PRDM16: variants seen among roughly 807,000 people sequenced by gnomAD.
The protein encoded by PRDM16 is histone-lysine N-methyltransferase PRDM16.
Under a neutral mutation model 110.6 loss-of-function variants are expected in PRDM16, and 23 were observed. The ratio of observed to expected loss-of-function variants is 0.21; its 90% CI spans 0.15 to 0.29. PRDM16 has a LOEUF of 0.29. Ranked by LOEUF, PRDM16 falls within the 10% of genes least tolerant of loss-of-function variation. The probability of loss-of-function intolerance (pLI) is 1.00; values close to 1 mark genes in which losing one functional copy is unlikely to be tolerated. For missense variants in PRDM16, 1,615 were observed against 1,794.3 expected, an observed-to-expected ratio of 0.90 and a Z score of 1.81; for synonymous variants, 799 against 781.8, an observed-to-expected ratio of 1.02 and a Z score of -0.37.
rs564644498 is a variant in PRDM16, at chr1:3,268,172, G to C, written c.438+24035G>C. ...CCCACTGGTCTCAGGAGAAGGGCCC[G>C]ACGCTCCTGCTGCGGTTGCAGTCGC... On this transcript the variant is annotated intron_variant, in intron 3 of 16. Transcript: ENST00000270722. 4.6e-5 allele frequency among the ~76,000 whole-genome samples: 7 copies of C among 152,310 alleles called. No individual in the cohort carries two copies. In the East Asian group the frequency reaches 1.4e-3, roughly 29 times the overall value.
At chr1:3,140,663 G>A (rs1015960201) in intron 1 of PRDM16, among the ~76,000 whole-genome samples, 8 of 152,304 alleles carry the variant, frequency 5.3e-5, no homozygotes, top group Admixed American at 6.5e-5. Flanking sequence ...GGACAGCGTC[G>A]CCACCAGGCA....
rs1638825503 is a variant in PRDM16, at chr1:3,209,333, A to G, written c.387+22859A>G. The stretch of plus-strand genomic sequence containing the variant: ...GCAGGGACAGCACTGCACGTTTGAC[A>G]TCGGGGCACGCAGCTCCGACGTGGC... On this transcript the variant is annotated intron_variant, in intron 2 of 16. Coordinates refer to ENST00000270722, the MANE Select transcript of PRDM16 (RefSeq NM_022114.4). The surrounding 1 kb of genome is among the most constrained non-coding windows in gnomAD (Gnocchi z 4.6). 6.6e-6 allele frequency among the ~76,000 whole-genome samples: 1 copy of G among 152,204 alleles called. No individual in the cohort carries two copies. The highest frequency in any genetic ancestry group is 2.1e-4 in the South Asian group (1 of 4,832).
chr1:3,124,083 G>A (rs767799347), intron 1 of PRDM16, among the ~76,000 whole-genome samples: 4 of 152,156 alleles, frequency 2.6e-5, no homozygotes, highest in Non-Finnish European at 2.9e-5. Flanking sequence ...GCCCCCACCC[G>A]TGAGAACCCC....
intron 1 of PRDM16, among the ~76,000 whole-genome samples, chr1:3,164,782 G>T (rs184627414): frequency 1.3e-5 from 2 of 152,226 alleles, no homozygotes; most frequent in Admixed American, 6.5e-5. Context: ...CTGTGTTTGC[G>T]GGGGGAGGCT....
At chr1:3,096,419 G>C (rs1398567173) in intron 1 of PRDM16, among the ~76,000 whole-genome samples, 1 of 152,192 alleles carries the variant, frequency 6.6e-6, no homozygotes, top group Non-Finnish European at 1.5e-5. Context: ...CGGAGCCATA[G>C]GGGAAGGAAT....
intron 1 of PRDM16, among the ~76,000 whole-genome samples, chr1:3,121,149 G>A (rs569858281): frequency 2.3e-4 from 35 of 152,278 alleles, no homozygotes; most frequent in African/African-American, 7.5e-4. Context: ...CAGCTTGCCC[G>A]TCACGGAGCC....
At chr1:3,070,159 C>G (rs1387805153) in intron 1 of PRDM16, among the ~76,000 whole-genome samples, 1 of 151,910 alleles carries the variant, frequency 6.6e-6, no homozygotes, top group Non-Finnish European at 1.5e-5. Context: ...CTGGCACAGC[C>G]GGGCCCGGCG....
intron 3 of PRDM16, among the ~76,000 whole-genome samples, chr1:3,263,410 G>A (rs1313890609): frequency 6.6e-6 from 1 of 152,246 alleles, no homozygotes; most frequent in Non-Finnish European, 1.5e-5. Flanking sequence ...CTCTAGATGA[G>A]ACCACCTGTT....
At chr1:3,340,126 C>CTATT (rs1269583578) in intron 3 of PRDM16, among the ~76,000 whole-genome samples, 5 of 152,184 alleles carry the variant, frequency 3.3e-5, no homozygotes, top group African/African-American at 4.8e-5. Flanking sequence ...AAGTGTGACC[C>CTATT]TATTTCCTTT....
intron 3 of PRDM16, among the ~76,000 whole-genome samples, chr1:3,270,466 G>GA (rs1640420609): frequency 1.4e-4 from 21 of 151,090 alleles, no homozygotes; most frequent in Admixed American, 1.2e-3. Context: ...GACAGTCGGC[G>GA]AGGAGGACAG....
At chr1:3,071,590 T>C (rs575379665) in intron 1 of PRDM16, among the ~76,000 whole-genome samples, 7 of 152,360 alleles carry the variant, frequency 4.6e-5, no homozygotes, top group African/African-American at 1.4e-4. Flanking sequence ...CAGGATCCGC[T>C]GAAGAATTTC....
At position 3,187,655 on chromosome 1, in the gene PRDM16, C is replaced by A. The variant is rs561711101; in HGVS notation, c.387+1181C>A. ...GGCCTGGGGACCAGAGGCTGCCCCGCACGCTGCAGAGCTGAGTGCATCCTC... is the reference window on the plus strand; with the variant it reads ...GGCCTGGGGACCAGAGGCTGCCCCGAACGCTGCAGAGCTGAGTGCATCCTC... On this transcript the variant is annotated intron_variant, in intron 2 of 16. Coordinates refer to ENST00000270722, the MANE Select transcript of PRDM16 (RefSeq NM_022114.4). Among the ~76,000 whole-genome samples, 4 of 152,290 alleles carry A rather than the reference C, an allele frequency of 2.6e-5. 1 individual carries two copies. The highest frequency in any genetic ancestry group is 2.6e-4 in the Admixed American group (4 of 15,306).
chr1:3,118,385 G>A lies in PRDM16; in HGVS notation c.37+49089G>A, dbSNP rs115014388. ...CACCCCCACCTGGCCCCTCGGAAGC[G>A]TGACAGCCATGGAGAGGGGCTCCTG... is the stretch of plus-strand genomic sequence containing the variant. On this transcript the variant is annotated intron_variant, in intron 1 of 16. Transcript: ENST00000270722. Among the ~76,000 whole-genome samples, 510 of 152,278 alleles carry A rather than the reference G, an allele frequency of 3.3e-3. 3 individuals are homozygous for A. Among genetic ancestry groups the A allele is most frequent in the African/African-American group, 0.012 (491 of 41,576 alleles).
chr1:3,339,929 C>T lies in PRDM16; in HGVS notation c.439-45223C>T, dbSNP rs1445070774. On this transcript the variant is annotated intron_variant, in intron 3 of 16. Coordinates refer to ENST00000270722, the MANE Select transcript of PRDM16 (RefSeq NM_022114.4). This position sits in a 1 kb window ranked among gnomAD's most constrained non-coding sequence, Gnocchi z 5.0. Reference sequence around the variant, plus strand: ...AGCTGAGGTTGGAAGGGCCACCAGGCAAGTGGGGCTGGGGGGAACAGGTGT... The same window carrying T: ...AGCTGAGGTTGGAAGGGCCACCAGGTAAGTGGGGCTGGGGGGAACAGGTGT... Among the ~76,000 whole-genome samples the T allele has an allele frequency of 6.6e-6, 1 of 152,220 alleles. No homozygotes were observed. Among genetic ancestry groups the T allele is most frequent in the Non-Finnish European group, 1.5e-5 (1 of 68,046 alleles).
chr1:3,077,518 T>G (rs1032295497), intron 1 of PRDM16, among the ~76,000 whole-genome samples: 11 of 152,272 alleles, frequency 7.2e-5, no homozygotes, highest in Admixed American at 7.2e-4. Context: ...CAGGGGTGTC[T>G]GCACAGAAGG....
At chr1:3,270,462 C>T (rs116428193) in intron 3 of PRDM16, among the ~76,000 whole-genome samples, 5,048 of 148,448 alleles carry the variant, frequency 0.034, 283 homozygotes, top group African/African-American at 0.12. Context: ...GGAGGACAGT[C>T]GGCGAGGAGG....
rs1638962515 is a variant in PRDM16 at position 3,213,967 on chromosome 1, G to A, written c.387+27493G>A. 6.6e-6 allele frequency among the ~76,000 whole-genome samples: 1 copy of A among 152,048 alleles called. No homozygotes were observed. Among genetic ancestry groups the A allele is most frequent in the Non-Finnish European group, 1.5e-5 (1 of 68,018 alleles). Reference sequence around the variant, plus strand: ...TGCACCAAGCAGAACGGCCAGGCAAGCTGCGCCCAGACACATGTCGGAGTC... The same window carrying A: ...TGCACCAAGCAGAACGGCCAGGCAAACTGCGCCCAGACACATGTCGGAGTC... On this transcript the variant is annotated intron_variant, in intron 2 of 16. Coordinates refer to ENST00000270722, the MANE Select transcript of PRDM16 (RefSeq NM_022114.4). This position sits in a 1 kb window ranked among gnomAD's most constrained non-coding sequence, Gnocchi z 5.3.
intron 2 of PRDM16, among the ~76,000 whole-genome samples, chr1:3,234,648 C>T (rs1639499802): frequency 6.6e-6 from 1 of 152,242 alleles, no homozygotes; most frequent in African/African-American, 2.4e-5. Flanking sequence ...CTGTGCCAGT[C>T]CCCACCCTCC....
Position 3,320,273 on chromosome 1 carries a change from C to G in PRDM16, c.439-64879C>G, listed in dbSNP as rs75117346. On this transcript the variant is annotated intron_variant, in intron 3 of 16. Transcript: ENST00000270722. ...ACCCTACAGGTTCCTAGGAATTTCACTGTGACGCATTGGGATTTTCATGGT... is the reference window on the plus strand; with the variant it reads ...ACCCTACAGGTTCCTAGGAATTTCAGTGTGACGCATTGGGATTTTCATGGT... Among the ~76,000 whole-genome samples, 1,208 of 152,326 alleles carry G rather than the reference C, an allele frequency of 7.9e-3. 12 individuals carry two copies. Among genetic ancestry groups the G allele is most frequent in the African/African-American group, 0.027 (1,132 of 41,570 alleles).
Sources: gnomAD v4.1 joint callset for allele counts (sites outside exome capture counted in the v4.1 genomes callset) on GRCh38, gnomAD v4.1.1 for gene constraint, Gnocchi (gnomAD v3.1) non-coding constraint, MANE v1.5 for transcripts, NCBI Gene and HGNC (gene_info 2026-07-23, HGNC 2026-07-21) for gene names.